KCNMA1: variants seen among roughly 807,000 people sequenced by gnomAD.
KCNMA1 encodes the protein potassium calcium-activated channel subfamily M alpha 1.
In KCNMA1, 29 loss-of-function variants were observed where a neutral mutation model predicts 140.0. That is an observed-to-expected ratio of 0.21 (90% confidence interval 0.15 to 0.28). KCNMA1 has a LOEUF of 0.28. KCNMA1 is among the 10% of genes least tolerant of loss of function. The pLI is 1.00. For missense variants in KCNMA1, 880 were observed against 1,602.2 expected (o/e 0.55, Z 7.70); for synonymous variants, 612 against 611.9 (o/e 1.00, Z 0.00).
intron 3 of KCNMA1, among the ~76,000 whole-genome samples, chr10:77,238,961 CA>C (rs1216538554): frequency 2.0e-5 from 3 of 152,084 alleles, no homozygotes; most frequent in Admixed American, 6.5e-5. Flanking sequence ...CTGTAGCTGC[CA>C]AATCTTATTC....
chr10:77,039,221 C>T (rs541434855), intron 15 of KCNMA1: 1 of 448,116 alleles, frequency 2.2e-6, no homozygotes, highest in African/African-American at 2.0e-5. Context: ...GTTTATGCCA[C>T]TCTTCATAAA....
intron 9 of KCNMA1, among the ~76,000 whole-genome samples, chr10:77,094,643 G>A (rs1464275131): frequency 6.6e-6 from 1 of 152,172 alleles, no homozygotes; most frequent in Non-Finnish European, 1.5e-5. Flanking sequence ...GAAGCCATAT[G>A]ATTGGAGCAA....
intron 25 of KCNMA1, among the ~76,000 whole-genome samples, chr10:76,896,949 C>CA (rs1186433338): frequency 7.4e-5 from 11 of 149,412 alleles, no homozygotes; most frequent in Admixed American, 2.0e-4. Context: ...AGTTAAAAGA[C>CA]AACTAAATTT....
At chr10:77,468,838 C>T (rs2098090233) in intron 1 of KCNMA1, among the ~76,000 whole-genome samples, 1 of 152,154 alleles carries the variant, frequency 6.6e-6, no homozygotes, top group Non-Finnish European at 1.5e-5. Context: ...GTACCCAGTT[C>T]CCAGCACTCA....
At chr10:77,341,365 G>T (rs1336037311) in intron 2 of KCNMA1, among the ~76,000 whole-genome samples, 1 of 152,120 alleles carries the variant, frequency 6.6e-6, no homozygotes, top group Non-Finnish European at 1.5e-5. Flanking sequence ...TTATTTCTCA[G>T]TGTTTTCTCA....
At chr10:77,244,714 T>C (rs1449218378) in intron 3 of KCNMA1, among the ~76,000 whole-genome samples, 3 of 152,180 alleles carry the variant, frequency 2.0e-5, no homozygotes, top group Non-Finnish European at 4.4e-5. Flanking sequence ...CAAATGGCAA[T>C]ATGGAAGGTC....
intron 23 of KCNMA1, among the ~76,000 whole-genome samples, chr10:76,940,116 T>G (rs953399564): frequency 6.6e-6 from 1 of 152,232 alleles, no homozygotes; most frequent in African/African-American, 2.4e-5. Context: ...CAGTTTTGCC[T>G]GCTGTATATT....
chr10:77,154,704 G>C (rs2098463030), intron 5 of KCNMA1, among the ~76,000 whole-genome samples: 1 of 152,194 alleles, frequency 6.6e-6, no homozygotes, highest in Admixed American at 6.5e-5. Context: ...AGCACCTGCT[G>C]GTGCCTGGCA....
chr10:76,964,575 G>A (rs989177493), intron 20 of KCNMA1, among the ~76,000 whole-genome samples: 1 of 152,174 alleles, frequency 6.6e-6, no homozygotes, highest in Non-Finnish European at 1.5e-5. Flanking sequence ...TGTGCATTAA[G>A]AGATGAATTT....
intron 2 of KCNMA1, among the ~76,000 whole-genome samples, chr10:77,262,229 T>C (rs1366035930): frequency 6.6e-6 from 1 of 152,192 alleles, no homozygotes; most frequent in Non-Finnish European, 1.5e-5. Context: ...TATTCAGTGT[T>C]AATAAAGAAG....
chr10:77,566,787 A>C (rs1317635793), intron 1 of KCNMA1, among the ~76,000 whole-genome samples: 1 of 152,190 alleles, frequency 6.6e-6, no homozygotes, highest in Non-Finnish European at 1.5e-5. Context: ...TCATGTACTC[A>C]CTTCGTGGCA....
intron 2 of KCNMA1, among the ~76,000 whole-genome samples, chr10:77,322,554 C>T (rs2082666076): frequency 6.6e-6 from 1 of 152,178 alleles, no homozygotes; most frequent in South Asian, 2.1e-4. Flanking sequence ...AGTTCTTACG[C>T]TCTGCGAAGA....
rs548675407 is a variant in KCNMA1 at position 77,563,716 on chromosome 10, C to A, written c.378+73549G>T. Among the ~76,000 whole-genome samples the A allele has an allele frequency of 6.6e-5, 10 of 152,330 alleles. No homozygotes were observed. The East Asian group carries it at 1.9e-3, about 29-fold the overall frequency. ...AACCTCCGGAATTCTAGCCACAGAT[C>A]CCCCTCTTGCCCTCTCATCCTCCCC... On this transcript the variant is annotated intron_variant, in intron 1 of 27. Coordinates refer to ENST00000286628, the MANE Select transcript of KCNMA1 (RefSeq NM_001161352.2).
intron 5 of KCNMA1, among the ~76,000 whole-genome samples, chr10:77,134,855 G>A (rs1384864464): frequency 4.0e-5 from 6 of 151,332 alleles, no homozygotes; most frequent in Non-Finnish European, 8.9e-5. Context: ...AAAATTAGCC[G>A]GGTGTGGTGG....
intron 7 of KCNMA1, among the ~76,000 whole-genome samples, chr10:77,111,290 G>GGA (rs1285273087): frequency 6.6e-6 from 1 of 152,202 alleles, no homozygotes; most frequent in African/African-American, 2.4e-5. Context: ...TGGCCCCCAG[G>GGA]CCTCCACCTC....
chr10:76,985,705 T>C (rs965052860), intron 19 of KCNMA1, among the ~76,000 whole-genome samples: 1 of 152,180 alleles, frequency 6.6e-6, no homozygotes, highest in East Asian at 1.9e-4. Flanking sequence ...AGGAATGTGA[T>C]AGGTGACTCT....
At chr10:77,623,410 G>A (rs1456544757) in intron 1 of KCNMA1, among the ~76,000 whole-genome samples, 1 of 151,974 alleles carries the variant, frequency 6.6e-6, no homozygotes, top group African/African-American at 2.4e-5. Flanking sequence ...GAAGTACTTG[G>A]AACAGCTGGG....
intron 1 of KCNMA1, among the ~76,000 whole-genome samples, chr10:77,617,442 A>G (rs1289750369): frequency 6.6e-6 from 1 of 152,224 alleles, no homozygotes; most frequent in Non-Finnish European, 1.5e-5. Flanking sequence ...TCTTTGAAAC[A>G]TGAAGCAGGG....
chr10:77,121,245 T>C (rs146334902), intron 5 of KCNMA1, among the ~76,000 whole-genome samples, 197 bp from the exon 6 acceptor site: 8 of 152,314 alleles, frequency 5.3e-5, no homozygotes, highest in Admixed American at 2.0e-4. Context: ...ATGGACTTTC[T>C]CTTTATAAAG....
Sources: gnomAD v4.1 joint callset for allele counts (sites outside exome capture counted in the v4.1 genomes callset) on GRCh38, gnomAD v4.1.1 for gene constraint, MANE v1.5 for transcripts, NCBI Gene and HGNC (gene_info 2026-07-23, HGNC 2026-07-21) for gene names.